Variants in COBLL1 observed in about 807,000 individuals in gnomAD.
COBLL1 encodes cordon-bleu protein-like 1.
A neutral mutation model predicts 94.8 loss-of-function variants in COBLL1; 50 were observed. The observed-to-expected ratio is 0.53, with a 90% CI of 0.42 to 0.67. The LOEUF is 0.67. Ranked by LOEUF, COBLL1 falls within the 30% of genes least tolerant of loss-of-function variation. The pLI is 0.00. For synonymous variants in COBLL1, 448 were observed against 473.8 expected (o/e 0.95, Z 0.71); for missense variants, 1,362 against 1,348.7 (o/e 1.01, Z -0.15).
chr2:164,733,690 T>C (rs998737223), intron 3 of COBLL1, among the ~76,000 whole-genome samples: 1 of 152,160 alleles, frequency 6.6e-6, no homozygotes, highest in East Asian at 1.9e-4. Context: ...GGGAAAACTA[T>C]CGGATGAAAA....
At chr2:164,760,150 G>A (rs1448805090) in intron 2 of COBLL1, among the ~76,000 whole-genome samples, 1 of 152,162 alleles carries the variant, frequency 6.6e-6, no homozygotes, top group Non-Finnish European at 1.5e-5. Flanking sequence ...CAACCCAAAT[G>A]TGCTCCCATG....
Position 164,841,298 on chromosome 2 carries a change from C to T in COBLL1, c.-50-52G>A. 8.2e-7 allele frequency: 1 copy of T among 1,215,708 alleles called. No homozygotes were observed. Among genetic ancestry groups the T allele is most frequent in the Non-Finnish European group, 1.0e-6 (1 of 977,610 alleles). 75.3% of individuals were successfully genotyped at this position (1,215,708 alleles called of 1,614,324 possible). On this transcript the variant is annotated intron_variant, in intron 1 of 13. Coordinates refer to ENST00000652658, the MANE Select transcript of COBLL1 (RefSeq NM_001365672.2). This position sits in a 1 kb window ranked among gnomAD's most constrained non-coding sequence, Gnocchi z 5.5. ...GGGCGGGACGCGCGCCTTCCCGAGGCCGGAGCGAAGCTGGCTGAGCGTCAA... is the reference window on the plus strand; with the variant it reads ...GGGCGGGACGCGCGCCTTCCCGAGGTCGGAGCGAAGCTGGCTGAGCGTCAA...
chr2:164,664,138 T>A (rs1454767999), intron 2 of COBLL1, among the ~76,000 whole-genome samples: 1 of 152,218 alleles, frequency 6.6e-6, no homozygotes, highest in Non-Finnish European at 1.5e-5. Flanking sequence ...TTTTGCTTCC[T>A]GTTCTATCCC....
At chr2:164,762,996 G>T (rs1021265628) in intron 2 of COBLL1, among the ~76,000 whole-genome samples, 2 of 151,968 alleles carry the variant, frequency 1.3e-5, no homozygotes, top group South Asian at 4.1e-4. Context: ...GCGCCTGCCC[G>T]CCTATCATCC....
At chr2:164,737,841 C>T (rs1686392379) in intron 3 of COBLL1, among the ~76,000 whole-genome samples, 2 of 152,176 alleles carry the variant, frequency 1.3e-5, no homozygotes, top group Non-Finnish European at 2.9e-5. Context: ...AGCGGACCAA[C>T]CCTATGCCAG....
At chr2:164,834,973 G>A (rs901419310) in intron 2 of COBLL1, among the ~76,000 whole-genome samples, 1 of 152,126 alleles carries the variant, frequency 6.6e-6, no homozygotes, top group Non-Finnish European at 1.5e-5. Context: ...AGCTGCTACA[G>A]GGAAGGGGGG....
rs769387001 is a variant in COBLL1, at chr2:164,685,933, G to C, written c.*13C>G. The C allele has an allele frequency of 6.4e-7, 1 of 1,552,156 alleles. No individual in the cohort carries two copies. Among genetic ancestry groups the C allele is most frequent in the South Asian group, 1.1e-5 (1 of 89,304 alleles). Reference sequence around the variant, plus strand: ...AAGTGGAAGTGAAGTGCAGTGGTGTGGCAGGGTAACATTTAATGGCCGTCC... The same window carrying C: ...AAGTGGAAGTGAAGTGCAGTGGTGTCGCAGGGTAACATTTAATGGCCGTCC... On this transcript the variant is annotated 3_prime_UTR_variant, in exon 14 of 14. Transcript: ENST00000652658.
chr2:164,741,527 T>TAA (rs548956601), intron 3 of COBLL1, among the ~76,000 whole-genome samples: 3 of 137,298 alleles, frequency 2.2e-5, no homozygotes, highest in South Asian at 2.3e-4. Context: ...AGTTCCCAAT[T>TAA]AAAAAAAAAA....
chr2:164,770,351 GAT>G (rs1298521453), intron 2 of COBLL1, among the ~76,000 whole-genome samples: 1 of 150,814 alleles, frequency 6.6e-6, no homozygotes, highest in Non-Finnish European at 1.5e-5. Context: ...CTATCTAATA[GAT>G]ATGTCTTCTG....
chr2:164,671,842 C>G (rs1019151047), intron 1 of COBLL1, among the ~76,000 whole-genome samples: 1 of 151,818 alleles, frequency 6.6e-6, no homozygotes, highest in Non-Finnish European at 1.5e-5. Context: ...CTCTGTCAAT[C>G]TCAATTCTCA....
intron 2 of COBLL1, among the ~76,000 whole-genome samples, chr2:164,746,017 T>C (rs1196347078): frequency 2.0e-4 from 30 of 152,088 alleles, no homozygotes; most frequent in Non-Finnish European, 2.9e-5. Flanking sequence ...AAAAGTAACT[T>C]TGGTAATAGC....
chr2:164,818,697 C>A (rs574449756), intron 2 of COBLL1, among the ~76,000 whole-genome samples: 1 of 141,742 alleles, frequency 7.1e-6, no homozygotes, highest in East Asian at 2.0e-4. Flanking sequence ...TGTATATGTA[C>A]TTATGTAAAC....
chr2:164,821,753 A>G (rs2105363392), intron 2 of COBLL1, among the ~76,000 whole-genome samples: 1 of 152,336 alleles, frequency 6.6e-6, no homozygotes, highest in South Asian at 2.1e-4. Flanking sequence ...TACCTAGTAG[A>G]ACCTTTTCTA....
chr2:164,720,405 G>A (rs1349350566), intron 7 of COBLL1, among the ~76,000 whole-genome samples: 1 of 152,076 alleles, frequency 6.6e-6, no homozygotes, highest in Non-Finnish European at 1.5e-5. Context: ...CAGACTATTA[G>A]AAAGACAACA....
intron 11 of COBLL1, 96 bp from the exon 12 acceptor site, chr2:164,695,932 G>A: frequency 1.1e-6 from 1 of 940,044 alleles, no homozygotes; most frequent in Non-Finnish European, 1.5e-6. Flanking sequence ...AGTTTGGTTT[G>A]AATTCTACAG....
chr2:164,658,426 C>T (rs555912825), intron 2 of COBLL1, among the ~76,000 whole-genome samples: 89 of 152,158 alleles, frequency 5.8e-4, no homozygotes, highest in African/African-American at 2.0e-3. Flanking sequence ...CAGGGGTCCA[C>T]GGTAGATCTT....
intron 2 of COBLL1, among the ~76,000 whole-genome samples, chr2:164,808,796 T>C (rs1056313241): frequency 7.4e-4 from 112 of 152,164 alleles, no homozygotes; most frequent in African/African-American, 2.7e-3. Flanking sequence ...AAGTCCACAG[T>C]GTTTTATAAT....
At position 164,686,022 on chromosome 2, in the gene COBLL1, G is replaced by C. The variant is rs769456105; in HGVS notation, c.3311C>G (p.Pro1104Arg). Reference sequence around the variant, plus strand: ...TCCATTCACAGATATTGTATTTGATGGAATGGTAACCTAAGAGAAAGAAAC... The same window carrying C: ...TCCATTCACAGATATTGTATTTGATCGAATGGTAACCTAAGAGAAAGAAAC... ...AAAKLKRVTI[P>R]SNTISVNGRS... The change falls in exon 14 of 14, where the codon CCA (proline) becomes CGA (arginine). Residue 1104 changes from proline to arginine, a missense_variant. Physicochemically the swap from Pro to Arg is moderately radical, Grantham distance 103. Coordinates refer to ENST00000652658, the MANE Select transcript of COBLL1 (RefSeq NM_001365672.2). 3 of 1,591,728 alleles carry C rather than the reference G, an allele frequency of 1.9e-6. No homozygotes were observed. The highest frequency in any genetic ancestry group is 2.6e-6 in the Non-Finnish European group (3 of 1,164,060).
At chr2:164,731,051 G>T (rs189799642) in intron 3 of COBLL1, among the ~76,000 whole-genome samples, 5 of 152,236 alleles carry the variant, frequency 3.3e-5, no homozygotes, top group Admixed American at 1.3e-4. Context: ...GTCAAAATGG[G>T]CCCACAGTCT....
Sources: allele counts gnomAD v4.1 joint callset (sites outside exome capture counted in the v4.1 genomes callset), GRCh38; gene constraint gnomAD v4.1.1; non-coding constraint Gnocchi (gnomAD v3.1); transcripts MANE v1.5; gene names NCBI Gene and HGNC (gene_info 2026-07-23, HGNC 2026-07-21).